The following REV3L variants were observed in gnomAD, a reference collection of about 807,000 sequenced individuals.
The protein encoded by REV3L is DNA polymerase zeta catalytic subunit.
In REV3L, 69 loss-of-function variants were observed where a neutral mutation model predicts 299.4. The observed-to-expected ratio is 0.23, with a 90% CI of 0.19 to 0.28. The LOEUF (loss-of-function observed/expected upper bound fraction) is 0.28. REV3L is among the 10% of genes least tolerant of loss of function. The pLI, the probability that REV3L is intolerant of heterozygous loss-of-function variation, is 1.00. For synonymous variants in REV3L, 1,238 were observed against 1,271.4 expected (o/e 0.97, Z 0.56); for missense variants, 3,128 against 3,693.8 (o/e 0.85, Z 3.97).
At position 111,299,408 on chromosome 6, in the gene REV3L, A is replaced by AAAAT. The variant is rs944522512; in HGVS notation, c.*604_*607dup. On this transcript the variant is annotated 3_prime_UTR_variant, in exon 32 of 32. Coordinates refer to ENST00000368802, the MANE Select transcript of REV3L (RefSeq NM_001372078.1). ...AAAGCAAGACAGCATTTTTTAAAAA[A>AAAAT]AAATAATGTTTCAAAATGCTACACG... 2.0e-5 allele frequency: 3 copies of AAAAT among 152,474 alleles called. No individual in the cohort carries two copies. The highest frequency in any genetic ancestry group is 4.4e-5 in the Non-Finnish European group (3 of 68,004). 9.4% of individuals were successfully genotyped at this position (152,474 alleles called of 1,614,324 possible).
At chr6:111,301,906 G>A (rs577380567) in intron 31 of REV3L, among the ~76,000 whole-genome samples, 37 of 152,256 alleles carry the variant, frequency 2.4e-4, no homozygotes, top group Admixed American at 1.1e-3. Context: ...AATGCAGGCC[G>A]ACTTTCACCT....
In REV3L at chr6:111,432,541, T is replaced by C. The variant is rs146927458; in HGVS notation, c.140-16069A>G. On this transcript the variant is annotated intron_variant, in intron 1 of 31. Coordinates refer to ENST00000368802, the MANE Select transcript of REV3L (RefSeq NM_001372078.1). Reference sequence around the variant, plus strand: ...TATCTATGCATGCAACACCAGAGCATCTGAGTGCATAAAGCAAATAATACA... The same window carrying C: ...TATCTATGCATGCAACACCAGAGCACCTGAGTGCATAAAGCAAATAATACA... Among the ~76,000 whole-genome samples the C allele has an allele frequency of 7.9e-5, 12 of 152,254 alleles. No individual in the cohort carries two copies. The East Asian group carries it at 2.1e-3, about 27-fold the overall frequency.
chr6:111,421,432 C>G (rs1785336023), intron 1 of REV3L, among the ~76,000 whole-genome samples: 1 of 152,118 alleles, frequency 6.6e-6, no homozygotes, highest in Non-Finnish European at 1.5e-5. Flanking sequence ...TTACATAACT[C>G]TGCTGTTGTA....
chr6:111,423,484 G>C (rs1785803444), intron 1 of REV3L, among the ~76,000 whole-genome samples: 1 of 152,012 alleles, frequency 6.6e-6, no homozygotes. Flanking sequence ...GGAGAGAAAA[G>C]AAAAAGAGTA....
intron 1 of REV3L, among the ~76,000 whole-genome samples, chr6:111,443,772 T>C (rs1024059837): frequency 3.3e-5 from 5 of 152,214 alleles, no homozygotes; most frequent in Non-Finnish European, 5.9e-5. Flanking sequence ...ATTGGCCTCA[T>C]AGGGTCTTAA....
chr6:111,363,000 G>T (rs1307945181), intron 16 of REV3L, among the ~76,000 whole-genome samples: 1 of 152,208 alleles, frequency 6.6e-6, no homozygotes, highest in Non-Finnish European at 1.5e-5. Context: ...CTGCCAGTCA[G>T]ATATGTGCTT....
intron 17 of REV3L, among the ~76,000 whole-genome samples, 158 bp downstream of exon 17, chr6:111,358,664 T>C (rs1050104563): frequency 1.1e-4 from 16 of 152,142 alleles, no homozygotes; most frequent in African/African-American, 3.9e-4. Context: ...ATAATAAATC[T>C]AGGACAAAGT....
chr6:111,399,395 T>C (rs1782861293), intron 4 of REV3L, among the ~76,000 whole-genome samples: 1 of 152,196 alleles, frequency 6.6e-6, no homozygotes, highest in African/African-American at 2.4e-5. Flanking sequence ...TCATGGTATA[T>C]CTGTCAAAAC....
At chr6:111,321,088 A>G (rs1021747246) in intron 26 of REV3L, among the ~76,000 whole-genome samples, 2 of 152,220 alleles carry the variant, frequency 1.3e-5, no homozygotes, top group South Asian at 4.1e-4. Context: ...GAATCAAAAC[A>G]CTGAATATCA....
intron 4 of REV3L, among the ~76,000 whole-genome samples, chr6:111,395,724 A>G (rs886435704): frequency 1.3e-5 from 2 of 152,048 alleles, no homozygotes; most frequent in African/African-American, 4.8e-5. Flanking sequence ...TTTCAGTACT[A>G]TGTTGAACAG....
At chr6:111,409,518 T>C (rs1267179112) in intron 3 of REV3L, among the ~76,000 whole-genome samples, 1 of 152,142 alleles carries the variant, frequency 6.6e-6, no homozygotes, top group Admixed American at 6.5e-5. Flanking sequence ...AATAAAGATC[T>C]TAGTATTTTA....
chr6:111,358,596 G>A (rs977893615), intron 17 of REV3L, among the ~76,000 whole-genome samples: 1 of 152,034 alleles, frequency 6.6e-6, no homozygotes, highest in Non-Finnish European at 1.5e-5. Context: ...CAGGTAGCTG[G>A]GACTATATAT....
In REV3L at chr6:111,357,058, A is replaced by G. The variant is rs1208628658; in HGVS notation, c.7140T>C (p.Ala2380=). The G allele has an allele frequency of 6.2e-7, 1 of 1,603,598 alleles. No individual in the cohort carries two copies. ...GITGLEVTYA[A]DEKALFHEIA... ...TTTCATGAAAAAGTGCCTTCTCATC[A>G]GCAGCATAGGTGACTTCGAGTCCTG... The change falls in exon 18 of 32, where the codon GCT becomes GCC. Residue 2380 remains alanine (A), a synonymous_variant. Transcript: ENST00000368802.
chr6:111,419,824 C>T (rs1422533118), intron 1 of REV3L, among the ~76,000 whole-genome samples: 1 of 151,998 alleles, frequency 6.6e-6, no homozygotes, highest in Non-Finnish European at 1.5e-5. Flanking sequence ...TATTTTGAAA[C>T]CTTCTACTAA....
At chr6:111,439,555 A>AT (rs1268277673) in intron 1 of REV3L, among the ~76,000 whole-genome samples, 1 of 152,258 alleles carries the variant, frequency 6.6e-6, no homozygotes, top group Non-Finnish European at 1.5e-5. Context: ...AAAAAGCTAC[A>AT]TAAGTGGGTG....
At chr6:111,409,557 A>C (rs1001090269) in intron 3 of REV3L, among the ~76,000 whole-genome samples, 2 of 152,140 alleles carry the variant, frequency 1.3e-5, no homozygotes, top group Non-Finnish European at 2.9e-5. Flanking sequence ...TGACCATACA[A>C]ATCCCCTGAA....
chr6:111,421,282 T>C (rs975164071), intron 1 of REV3L, among the ~76,000 whole-genome samples: 5 of 152,248 alleles, frequency 3.3e-5, no homozygotes, highest in Middle Eastern at 3.2e-3. Flanking sequence ...GTAAAATTAC[T>C]TGGGGTATTT....
intron 1 of REV3L, among the ~76,000 whole-genome samples, chr6:111,477,057 A>G (rs1460958542): frequency 6.6e-6 from 1 of 152,190 alleles, no homozygotes; most frequent in East Asian, 1.9e-4. Flanking sequence ...ATAAGTGACT[A>G]TTTTGTAAAC....
chr6:111,454,693 T>C (rs758981150), intron 1 of REV3L, among the ~76,000 whole-genome samples: 27 of 152,088 alleles, frequency 1.8e-4, no homozygotes, highest in Non-Finnish European at 3.7e-4. Context: ...TGAGATGGAG[T>C]TTCGCTCTTG....
Sources: gnomAD v4.1 joint callset for allele counts (sites outside exome capture counted in the v4.1 genomes callset) on GRCh38, gnomAD v4.1.1 for gene constraint, MANE v1.5 for transcripts, NCBI Gene and HGNC (gene_info 2026-07-23, HGNC 2026-07-21) for gene names.